SFSWAP: variants seen among roughly 807,000 people sequenced by gnomAD.
The protein encoded by SFSWAP is splicing factor SWAP.
SFSWAP carries 17 observed loss-of-function variants against 100.7 expected under a neutral mutation model. That is an observed-to-expected ratio of 0.17 (90% CI 0.12 to 0.25). The LOEUF (loss-of-function observed/expected upper bound fraction) is 0.25, where lower values mean the gene tolerates loss of function less well. Among genes scored for constraint, SFSWAP ranks in the 10% least tolerant of loss-of-function variants. The pLI is 1.00. For synonymous variants in SFSWAP, 504 were observed against 510.1 expected (o/e 0.99, Z 0.16); for missense variants, 1,005 against 1,262.6 (o/e 0.80, Z 3.09).
intron 14 of SFSWAP, chr12:131,785,052 G>C (rs1316374353): frequency 3.9e-6 from 6 of 1,527,536 alleles, no homozygotes; most frequent in Non-Finnish European, 5.3e-6. Context: ...TGAATGTGAA[G>C]TGTGTGCCTC....
intron 11 of SFSWAP, among the ~76,000 whole-genome samples, chr12:131,760,419 A>AT (rs1882557452): frequency 6.6e-6 from 1 of 152,190 alleles, no homozygotes; most frequent in African/African-American, 2.4e-5. Flanking sequence ...TAGTAAATAT[A>AT]TTTTTTCAAT....
At chr12:131,727,811 T>C (rs1314537569) in intron 6 of SFSWAP, among the ~76,000 whole-genome samples, 1 of 152,212 alleles carries the variant, frequency 6.6e-6, no homozygotes, top group Non-Finnish European at 1.5e-5. Flanking sequence ...AGCATTATCT[T>C]GTGGTTAATT....
At chr12:131,793,672 C>T (rs1885432961) in intron 15 of SFSWAP, among the ~76,000 whole-genome samples, 1 of 152,092 alleles carries the variant, frequency 6.6e-6, no homozygotes, top group Admixed American at 6.5e-5. Context: ...AATAGGCAGG[C>T]CGCAGGCTTT....
Position 131,778,197 on chromosome 12 carries a change from A to G in SFSWAP, c.2275A>G (p.Lys759Glu). 6.2e-7 allele frequency: 1 copy of G among 1,614,062 alleles called. No homozygotes were observed. Among genetic ancestry groups the G allele is most frequent in the Non-Finnish European group, 8.5e-7 (1 of 1,179,976 alleles). The change falls in exon 14 of 18, where the codon AAA becomes GAA. Residue 759 changes from lysine (K) to glutamate (E), a missense_variant. Physicochemically the swap from Lys to Glu is moderately conservative, Grantham distance 56. Transcript: ENST00000261674. The surrounding 1 kb of genome is among the most constrained non-coding windows in gnomAD (Gnocchi z 4.2). The part of the protein sequence containing the change: ...PREEEKEKKK[K>E]KHKKRSRTRS... Reference sequence around the variant, plus strand: ...AGAAGAAGAGAAAGAAAAGAAAAAGAAAAAGCACAAAAAAAGATCTCGAAC... The same window carrying G: ...AGAAGAAGAGAAAGAAAAGAAAAAGGAAAAGCACAAAAAAAGATCTCGAAC...
In SFSWAP at chr12:131,734,712, A is replaced by G. The variant is rs1286919266; in HGVS notation, c.1081+6284A>G. Among the ~76,000 whole-genome samples, 1 of 152,188 alleles carries G rather than the reference A, an allele frequency of 6.6e-6. No individual in the cohort carries two copies. Among genetic ancestry groups the G allele is most frequent in the Non-Finnish European group, 1.5e-5 (1 of 68,036 alleles). ...AGAAAAGTGAAGAGCAGAAGTTCCA[A>G]AAGCACCTGGTGCTTCCTGGGAGAA... On this transcript the variant is annotated intron_variant, in intron 7 of 17. Transcript: ENST00000261674. This position sits in a 1 kb window ranked among gnomAD's most constrained non-coding sequence, Gnocchi z 4.9.
At chr12:131,748,179 T>C (rs964259977) in intron 7 of SFSWAP, among the ~76,000 whole-genome samples, 5 of 152,048 alleles carry the variant, frequency 3.3e-5, no homozygotes, top group African/African-American at 1.2e-4. Context: ...TTTCAGAATA[T>C]CTATACTTAT....
At chr12:131,799,006 G>A in intron 16 of SFSWAP, 31 bp from the exon 17 acceptor site, 1 of 1,560,458 alleles carries the variant, frequency 6.4e-7, no homozygotes, top group Non-Finnish European at 8.8e-7. Flanking sequence ...TCACACGGTT[G>A]TAAGCTCTGC....
intron 6 of SFSWAP, 91 bp downstream of exon 6, chr12:131,727,143 G>A: frequency 1.3e-6 from 1 of 744,746 alleles, no homozygotes; most frequent in Non-Finnish European, 2.3e-6. Flanking sequence ...TCATTCTTGT[G>A]TGTTACAGTT....
rs913693029 is a variant in SFSWAP, at chr12:131,734,198, G to C, written c.1081+5770G>C. ...TTCATCGCTGGCTCCTGCCGCCCTC[G>C]AGGACTTGAAGGCTGACGTTGGGCT... On this transcript the variant is annotated intron_variant, in intron 7 of 17. Coordinates refer to ENST00000261674, the MANE Select transcript of SFSWAP (RefSeq NM_004592.4). This position sits in a 1 kb window ranked among gnomAD's most constrained non-coding sequence, Gnocchi z 4.9. 6.6e-6 allele frequency among the ~76,000 whole-genome samples: 1 copy of C among 152,226 alleles called. No homozygotes were observed. The highest frequency in any genetic ancestry group is 1.9e-4 in the East Asian group (1 of 5,196).
At chr12:131,754,325 G>A (rs368365528) in intron 8 of SFSWAP, 43 bp from the exon 9 acceptor site, 49 of 1,456,372 alleles carry the variant, frequency 3.4e-5, no homozygotes, top group East Asian at 1.3e-4. Context: ...TGAGCTTGGC[G>A]AGCCCCTGAA....
At chr12:131,786,307 G>A (rs867124605) in intron 14 of SFSWAP, among the ~76,000 whole-genome samples, 156 bp from the exon 15 acceptor site, 11 of 150,888 alleles carry the variant, frequency 7.3e-5, no homozygotes, top group Non-Finnish European at 1.3e-4. Context: ...GTAGTGAAGT[G>A]TGGCAGGGGT....
At chr12:131,784,020 A>G (rs1460341716) in intron 14 of SFSWAP, 2 of 151,860 alleles carry the variant, frequency 1.3e-5, no homozygotes. Flanking sequence ...CGTAAAAGCG[A>G]TGACTCATCT....
intron 7 of SFSWAP, among the ~76,000 whole-genome samples, chr12:131,747,011 G>A (rs1006818226): frequency 5.3e-5 from 8 of 150,900 alleles, no homozygotes; most frequent in African/African-American, 2.0e-4. Flanking sequence ...GGCTGAAGCA[G>A]GAGAATGGCA....
At chr12:131,787,871 C>T (rs35933085) in intron 15 of SFSWAP, among the ~76,000 whole-genome samples, 58,899 of 151,950 alleles carry the variant, frequency 0.39, 12,762 homozygotes, top group Non-Finnish European at 0.49. Flanking sequence ...TGATTTTTTT[C>T]TTAAAACAGA....
chr12:131,762,402 C>CCCTT (rs1882752567), intron 11 of SFSWAP, among the ~76,000 whole-genome samples: 1 of 152,096 alleles, frequency 6.6e-6, no homozygotes, highest in Admixed American at 6.5e-5. Context: ...CACAGTGAAA[C>CCCTT]CCTTTCTCAA....
chr12:131,730,826 C>G lies in SFSWAP; in HGVS notation c.1081+2398C>G, dbSNP rs772372959. 3.9e-5 allele frequency among the ~76,000 whole-genome samples: 6 copies of G among 152,242 alleles called. No individual in the cohort carries two copies. The highest frequency in any genetic ancestry group is 7.3e-5 in the Non-Finnish European group (5 of 68,048). On this transcript the variant is annotated intron_variant, in intron 7 of 17. Coordinates refer to ENST00000261674, the MANE Select transcript of SFSWAP (RefSeq NM_004592.4). This position sits in a 1 kb window ranked among gnomAD's most constrained non-coding sequence, Gnocchi z 4.0. ...GCTCTAGTAGGGGGTGCCCTCTCCT[C>G]CCCTCAATACGGTGCCGTTGTTTTG...
In SFSWAP at chr12:131,794,275, C is replaced by T. The variant is rs959888029; in HGVS notation, c.2535-2903C>T. 1.3e-5 allele frequency among the ~76,000 whole-genome samples: 2 copies of T among 151,652 alleles called. No homozygotes were observed. The highest frequency in any genetic ancestry group is 4.8e-5 in the African/African-American group (2 of 41,256). ...ACAGGCCAGCCACAGTGGCTCACAC[C>T]TGTGATCCCAGCACTTTGGGAGGCC... On this transcript the variant is annotated intron_variant, in intron 15 of 17. Transcript: ENST00000261674. This position sits in a 1 kb window ranked among gnomAD's most constrained non-coding sequence, Gnocchi z 4.8.
At chr12:131,740,971 T>C (rs1394305848) in intron 7 of SFSWAP, among the ~76,000 whole-genome samples, 2 of 124,880 alleles carry the variant, frequency 1.6e-5, no homozygotes, top group Non-Finnish European at 3.5e-5. Context: ...TTTTTCTTTT[T>C]TTTTTTTTTT....
intron 16 of SFSWAP, 90 bp from the exon 17 acceptor site, chr12:131,798,947 T>C (rs1449478815): frequency 4.5e-6 from 4 of 882,412 alleles, no homozygotes; most frequent in Non-Finnish European, 5.8e-6. Flanking sequence ...AGTTCTAGAG[T>C]TGGGGTTCGG....
Sources: gnomAD v4.1 joint callset for allele counts (sites outside exome capture counted in the v4.1 genomes callset) on GRCh38, gnomAD v4.1.1 for gene constraint, Gnocchi (gnomAD v3.1) non-coding constraint, MANE v1.5 for transcripts, NCBI Gene and HGNC (gene_info 2026-07-23, HGNC 2026-07-21) for gene names.